The following CSF2RB variants were observed in gnomAD, a reference collection of about 807,000 sequenced individuals.
CSF2RB encodes the protein cytokine receptor common subunit beta.
In CSF2RB, 22 loss-of-function variants were observed where a neutral mutation model predicts 67.2. The ratio of observed to expected loss-of-function variants is 0.33; its 90% CI spans 0.23 to 0.47. The LOEUF (loss-of-function observed/expected upper bound fraction) is 0.47. Ranked by LOEUF, CSF2RB falls within the 20% of genes least tolerant of loss-of-function variation. CSF2RB has a pLI of 1.00. For missense variants in CSF2RB, 1,113 were observed against 1,174.5 expected, an observed-to-expected ratio of 0.95 and a Z score of 0.76; for synonymous variants, 507 against 482.9, an observed-to-expected ratio of 1.05 and a Z score of -0.65.
At position 36,937,983 on chromosome 22, in the gene CSF2RB, C is replaced by T; in HGVS notation, c.2175C>T (p.Ala725=). The change falls in exon 14 of 14, where the codon GCC becomes GCT. Residue 725 remains alanine, a synonymous_variant. Coordinates refer to ENST00000403662, the MANE Select transcript of CSF2RB (RefSeq NM_000395.3). This position sits in a 1 kb window ranked among gnomAD's most constrained non-coding sequence, Gnocchi z 4.6. ...ADLVFTPNSG[A]SSVSLVPSLG... ...TGGTATTCACCCCAAACTCAGGGGC[C>T]TCGTCTGTCTCCCTAGTTCCCTCTC... is the stretch of plus-strand genomic sequence containing the variant. 1.2e-6 allele frequency: 2 copies of T among 1,614,160 alleles called. No homozygotes were observed. The highest frequency in any genetic ancestry group is 8.5e-7 in the Non-Finnish European group (1 of 1,180,022).
chr22:36,926,916 T>C (rs941559357), intron 4 of CSF2RB, among the ~76,000 whole-genome samples: 23 of 138,782 alleles, frequency 1.7e-4, no homozygotes, highest in African/African-American at 5.5e-4. Context: ...GGCAGGCTGG[T>C]AGGAGGTACT....
chr22:36,933,699 G>A (rs1941207917), intron 9 of CSF2RB, 133 bp from the exon 10 acceptor site: 21 of 1,247,156 alleles, frequency 1.7e-5, no homozygotes, highest in Non-Finnish European at 2.1e-5. Context: ...CCACGGTGGT[G>A]AGAGAGAAGC....
chr22:36,915,779 G>A (rs1940704332), intron 1 of CSF2RB, among the ~76,000 whole-genome samples: 1 of 152,192 alleles, frequency 6.6e-6, no homozygotes, highest in South Asian at 2.1e-4. Flanking sequence ...TTTACCTTTA[G>A]AGAAATTATC....
chr22:36,924,706 C>A (rs946469538), intron 3 of CSF2RB, among the ~76,000 whole-genome samples: 3 of 152,174 alleles, frequency 2.0e-5, no homozygotes, highest in East Asian at 1.9e-4. Context: ...CATGGTTGGG[C>A]CTCCGCCTTC....
intron 10 of CSF2RB, 149 bp downstream of exon 10, chr22:36,934,143 G>A: frequency 8.6e-7 from 1 of 1,160,628 alleles, no homozygotes; most frequent in African/African-American, 1.5e-5. Context: ...AAAGAGAAAG[G>A]GAAGGCCTTT....
chr22:36,926,192 G>T lies in CSF2RB; in HGVS notation c.391+15G>T, dbSNP rs2145795422. 9.3e-6 allele frequency: 15 copies of T among 1,612,914 alleles called. No homozygotes were observed. Among genetic ancestry groups the T allele is most frequent in the Non-Finnish European group, 1.3e-5 (15 of 1,179,732 alleles). On this transcript the variant is annotated intron_variant, in intron 4 of 13. Coordinates refer to ENST00000403662, the MANE Select transcript of CSF2RB (RefSeq NM_000395.3). ...GACCCAGCATGGTGAGGGGCTGGGG[G>T]CCCTGCCCGGGGCTTGGTTTCCTGT... is the stretch of plus-strand genomic sequence containing the variant.
chr22:36,938,539 G>C lies in CSF2RB; in HGVS notation c.*37G>C. 1.3e-6 allele frequency: 2 copies of C among 1,576,526 alleles called. No homozygotes were observed. Among genetic ancestry groups the C allele is most frequent in the Non-Finnish European group, 1.7e-6 (2 of 1,159,722 alleles). ...CTAGACAGGCAAGGGGATGGAGAGG[G>C]CTTGCCTTCCCTCCCGCCTGACCTT... On this transcript the variant is annotated 3_prime_UTR_variant, in exon 14 of 14. Transcript: ENST00000403662.
At chr22:36,935,275 C>T in intron 10 of CSF2RB, 76 bp from the exon 11 acceptor site, 2 of 1,391,036 alleles carry the variant, frequency 1.4e-6, no homozygotes, top group African/African-American at 2.8e-5. Flanking sequence ...GAATACTGCA[C>T]CAACCCCACT....
rs1435146003 is a variant in CSF2RB at position 36,914,286 on chromosome 22, C to G, written c.-173+609C>G. On this transcript the variant is annotated intron_variant, in intron 1 of 13. Coordinates refer to ENST00000403662, the MANE Select transcript of CSF2RB (RefSeq NM_000395.3). ...GAGGGTGAAACCTGGAAGCTTGCTG[C>G]GCTGAGGCCCAGAGCTGGGTGCGGT... is the stretch of plus-strand genomic sequence containing the variant. Among the ~76,000 whole-genome samples the G allele has an allele frequency of 5.9e-5, 9 of 152,192 alleles. No individual in the cohort carries two copies. In the East Asian group the frequency reaches 1.7e-3, roughly 29 times the overall value.
rs1941303741 is a variant in CSF2RB at position 36,937,827 on chromosome 22, C to CCCTGCCCCT, written c.2025_2033dup (p.Pro676_Ala678dup). The CCCTGCCCCT allele has an allele frequency of 1.2e-6, 2 of 1,609,256 alleles. No homozygotes were observed. Among genetic ancestry groups the CCCTGCCCCT allele is most frequent in the Non-Finnish European group, 1.7e-6 (2 of 1,178,040 alleles). On this transcript the variant is annotated inframe_insertion, in exon 14 of 14. Coordinates refer to ENST00000403662, the MANE Select transcript of CSF2RB (RefSeq NM_000395.3). The surrounding 1 kb of genome is among the most constrained non-coding windows in gnomAD (Gnocchi z 4.6). ...GTCCCTCCCTGGAGTCCGGGGGAGG[C>CCCTGCCCCT]CCTGCCCCTCCTGCTCTTGGGCCAA...
intron 1 of CSF2RB, among the ~76,000 whole-genome samples, chr22:36,914,550 G>C (rs1940676357): frequency 6.6e-6 from 1 of 152,106 alleles, no homozygotes; most frequent in Non-Finnish European, 1.5e-5. Context: ...GGTATCTGGG[G>C]TGCCTGCTTC....
At position 36,935,412 on chromosome 22, in the gene CSF2RB, C is replaced by T; in HGVS notation, c.1377C>T (p.Ala459=). 2 of 1,614,178 alleles carry T rather than the reference C, an allele frequency of 1.2e-6. No homozygotes were observed. Among genetic ancestry groups the T allele is most frequent in the Non-Finnish European group, 1.7e-6 (2 of 1,180,034 alleles). ...TCCTCACCATCGCTGTGCTCCTGGC[C>T]CTCCGCTTCTGTGGCATCTACGGGT... The part of the protein sequence containing the change: ...VIFLTIAVLL[A]LRFCGIYGYR... Residue 459 remains alanine (A), a synonymous_variant, in exon 11 of 14, where the codon GCC becomes GCT. Transcript: ENST00000403662.
At chr22:36,915,791 A>G (rs1015674796) in intron 1 of CSF2RB, among the ~76,000 whole-genome samples, 7 of 152,206 alleles carry the variant, frequency 4.6e-5, no homozygotes, top group African/African-American at 7.2e-5. Flanking sequence ...GAAATTATCA[A>G]TCTTCTAATT....
At chr22:36,920,619 A>T (rs901702771) in intron 1 of CSF2RB, among the ~76,000 whole-genome samples, 5 of 152,032 alleles carry the variant, frequency 3.3e-5, no homozygotes, top group Non-Finnish European at 7.4e-5. Context: ...TTCTGTTTGC[A>T]CTCCGTCCTT....
chr22:36,925,847 G>A (rs1302369421), intron 3 of CSF2RB, 140 bp from the exon 4 acceptor site: 16 of 914,756 alleles, frequency 1.7e-5, no homozygotes, highest in East Asian at 2.6e-5. Flanking sequence ...TGGCAGCTCC[G>A]TGGGCAGGAT....
In CSF2RB at chr22:36,924,987, A is replaced by T. The variant is rs141042180; in HGVS notation, c.201-1000A>T. Among the ~76,000 whole-genome samples, 42 of 152,278 alleles carry T rather than the reference A, an allele frequency of 2.8e-4. 2 individuals carry two copies. The highest frequency in any genetic ancestry group is 6.8e-3 in the Middle Eastern group (2 of 294). On this transcript the variant is annotated intron_variant, in intron 3 of 13. Transcript: ENST00000403662. The stretch of plus-strand genomic sequence containing the variant: ...CAAGCCCACAATTCCCCTAAGCTCC[A>T]GCCCTCCAGGCGTACTGGCCTCTCC...
At chr22:36,924,372 G>A (rs112670118) in intron 3 of CSF2RB, among the ~76,000 whole-genome samples, 3,545 of 151,176 alleles carry the variant, frequency 0.023, 163 homozygotes, top group African/African-American at 0.082. Flanking sequence ...GGAACATCAC[G>A]GCCCCCAAGT....
intron 11 of CSF2RB, 56 bp from the exon 12 acceptor site, chr22:36,935,574 T>C (rs578038156): frequency 3.7e-6 from 6 of 1,612,266 alleles, no homozygotes; most frequent in African/African-American, 1.3e-5. Flanking sequence ...GGCATGAGCA[T>C]GGGAGCAGCT....
intron 1 of CSF2RB, among the ~76,000 whole-genome samples, chr22:36,915,047 A>G (rs2049908): frequency 0.43 from 64,982 of 152,086 alleles, 16,406 homozygotes; most frequent in East Asian, 0.57. Context: ...AGCATGATAC[A>G]AGCATATAGT....
Sources: allele counts gnomAD v4.1 joint callset (sites outside exome capture counted in the v4.1 genomes callset), GRCh38; gene constraint gnomAD v4.1.1; non-coding constraint Gnocchi (gnomAD v3.1); transcripts MANE v1.5; gene names NCBI Gene and HGNC (gene_info 2026-07-23, HGNC 2026-07-21).